The following CDK19 variants were observed in gnomAD, a reference collection of about 807,000 sequenced individuals.
CDK19 encodes cyclin-dependent kinase 19.
In CDK19, 20 loss-of-function variants were observed where a neutral mutation model predicts 68.3. That is an observed-to-expected ratio of 0.29 (90% CI 0.21 to 0.43). The LOEUF (loss-of-function observed/expected upper bound fraction) is 0.43, where lower values mean the gene tolerates loss of function less well. Ranked by LOEUF, CDK19 falls within the 20% of genes least tolerant of loss-of-function variation. CDK19 has a pLI of 1.00. For missense variants in CDK19, 339 were observed against 623.5 expected, an observed-to-expected ratio of 0.54 and a Z score of 4.86; for synonymous variants, 221 against 222.8, an observed-to-expected ratio of 0.99 and a Z score of 0.07.
chr6:110,795,522 C>A (rs1430328378), intron 1 of CDK19, among the ~76,000 whole-genome samples: 1 of 152,144 alleles, frequency 6.6e-6, no homozygotes, highest in Non-Finnish European at 1.5e-5. Context: ...ACATTCACAG[C>A]CACTGAGGTT....
intron 1 of CDK19, among the ~76,000 whole-genome samples, chr6:110,804,736 ACGAGGTCAGGAGAACGAGAC>A (rs1782561601): frequency 6.7e-6 from 1 of 149,300 alleles, no homozygotes; most frequent in Non-Finnish European, 1.5e-5. Flanking sequence ...CGGGCGGATC[ACGAGGTCAGGAGAACGAGAC>A]CATCCTGGCT....
intron 1 of CDK19, 35 bp downstream of exon 1, chr6:110,814,974 C>T: frequency 6.3e-7 from 1 of 1,597,740 alleles, no homozygotes. Flanking sequence ...GGGCGAGGAC[C>T]CGAGCGAGCC....
At position 110,807,785 on chromosome 6, in the gene CDK19, T is replaced by C. The variant is rs145808991; in HGVS notation, c.128+7224A>G. Among the ~76,000 whole-genome samples the C allele has an allele frequency of 5.3e-5, 8 of 152,034 alleles. No individual in the cohort carries two copies. The East Asian group carries it at 1.5e-3, about 29-fold the overall frequency. On this transcript the variant is annotated intron_variant, in intron 1 of 12. Coordinates refer to ENST00000368911, the MANE Select transcript of CDK19 (RefSeq NM_015076.5). ...CACATTGTATATTTTTACGCACATA[T>C]ACTATTTACAAACTTTTTTTTATAA...
intron 1 of CDK19, among the ~76,000 whole-genome samples, chr6:110,810,620 C>T (rs1041980903): frequency 6.6e-6 from 1 of 151,980 alleles, no homozygotes; most frequent in Non-Finnish European, 1.5e-5. Context: ...ATTAAAAATA[C>T]AAAATCAGCC....
intron 2 of CDK19, among the ~76,000 whole-genome samples, chr6:110,727,266 A>C (rs1332377456): frequency 2.0e-5 from 3 of 151,982 alleles, no homozygotes; most frequent in African/African-American, 7.3e-5. Flanking sequence ...CCTTTCACTA[A>C]CTACCTATTT....
intron 4 of CDK19, chr6:110,646,270 G>A: frequency 6.6e-7 from 1 of 1,505,466 alleles, no homozygotes. Flanking sequence ...AGTTGCGTGT[G>A]CTGCCCCGCC....
chr6:110,724,231 G>A (rs1210382428), intron 2 of CDK19, among the ~76,000 whole-genome samples: 2 of 152,194 alleles, frequency 1.3e-5, no homozygotes, highest in Admixed American at 1.3e-4. Context: ...GCGCATGCCT[G>A]TAATCCCAGC....
chr6:110,784,102 C>T lies in CDK19; in HGVS notation c.128+30907G>A, dbSNP rs1046253793. Among the ~76,000 whole-genome samples, 6 of 135,116 alleles carry T rather than the reference C, an allele frequency of 4.4e-5. No individual in the cohort carries two copies. The South Asian group carries it at 7.3e-4, about 16-fold the overall frequency. The allele number at this position is 135,116 out of a possible 152,430, so 88.6% of individuals were successfully genotyped here. A position where few individuals can be genotyped will look rare whatever the true frequency, so the allele number is the denominator to read the frequency against. ...TGAGCTGGGGAGGCAGAGGCTGCAG[C>T]GAACCAAGATCACACCACTGCATTC... On this transcript the variant is annotated intron_variant, in intron 1 of 12. Transcript: ENST00000368911.
intron 4 of CDK19, among the ~76,000 whole-genome samples, chr6:110,659,469 C>G (rs568929623): frequency 6.6e-6 from 1 of 152,210 alleles, no homozygotes; most frequent in Non-Finnish European, 1.5e-5. Flanking sequence ...TGTTACAATT[C>G]AGCAGAAATA....
At chr6:110,807,671 G>T (rs1782773881) in intron 1 of CDK19, among the ~76,000 whole-genome samples, 1 of 152,266 alleles carries the variant, frequency 6.6e-6, no homozygotes, top group African/African-American at 2.4e-5. Context: ...TGTTGGCAAG[G>T]CTGGCCTTGA....
chr6:110,789,729 T>G (rs1032643111), intron 1 of CDK19, among the ~76,000 whole-genome samples: 1 of 152,232 alleles, frequency 6.6e-6, no homozygotes, highest in Non-Finnish European at 1.5e-5. Flanking sequence ...CTTTTTATAA[T>G]AGATTTGTGT....
intron 8 of CDK19, among the ~76,000 whole-genome samples, chr6:110,626,042 G>A (rs558067247): frequency 6.6e-5 from 10 of 152,198 alleles, no homozygotes; most frequent in South Asian, 6.2e-4. Context: ...TCCAGGCCAC[G>A]TGTTCTTCCT....
chr6:110,727,290 T>TA (rs1776382470), intron 2 of CDK19, among the ~76,000 whole-genome samples: 1 of 152,044 alleles, frequency 6.6e-6, no homozygotes, highest in Admixed American at 6.6e-5. Flanking sequence ...CATTTACTGT[T>TA]AGAGTGCTTT....
Position 110,612,605 on chromosome 6 carries a change from C to T in CDK19, c.*1930G>A, listed in dbSNP as rs1778085135. On this transcript the variant is annotated 3_prime_UTR_variant, in exon 13 of 13. Transcript: ENST00000368911. ...GGGCACCAGGCACATGGTGAGGGTG[C>T]AATAAGCATCTGATGACCAACAGCT... is the stretch of plus-strand genomic sequence containing the variant. 1 of 152,202 alleles carries T rather than the reference C, an allele frequency of 6.6e-6. No homozygotes were observed. The highest frequency in any genetic ancestry group is 3.2e-3 in the Middle Eastern group (1 of 316). The allele number at this position is 152,202 out of a possible 1,614,324, so 9.4% of individuals were successfully genotyped here.
intron 1 of CDK19, among the ~76,000 whole-genome samples, chr6:110,773,051 T>TAA (rs202143768): frequency 3.3e-4 from 44 of 132,754 alleles, no homozygotes; most frequent in East Asian, 1.3e-3. Context: ...CCCCGTCTCT[T>TAA]AAAAAAAAAA....
intron 1 of CDK19, among the ~76,000 whole-genome samples, chr6:110,805,079 C>T (rs904550286): frequency 6.6e-6 from 1 of 152,134 alleles, no homozygotes; most frequent in Non-Finnish European, 1.5e-5. Flanking sequence ...CACTTGTATC[C>T]TGAATTACAT....
chr6:110,668,202 A>T (rs538295541), intron 3 of CDK19, among the ~76,000 whole-genome samples: 81 of 152,188 alleles, frequency 5.3e-4, no homozygotes, highest in Non-Finnish European at 8.2e-4. Flanking sequence ...AAAGGGAAAA[A>T]ATGCTACCTG....
chr6:110,744,697 C>T (rs1344653846), intron 2 of CDK19, among the ~76,000 whole-genome samples: 1 of 152,156 alleles, frequency 6.6e-6, no homozygotes, highest in East Asian at 1.9e-4. Context: ...AGGTCTGCCC[C>T]TCAAAGTACA....
At chr6:110,651,313 G>A (rs1340596246) in intron 4 of CDK19, among the ~76,000 whole-genome samples, 4 of 151,334 alleles carry the variant, frequency 2.6e-5, no homozygotes, top group East Asian at 3.9e-4. Flanking sequence ...TCTTCCTCCT[G>A]CCCAATTTCT....
Sources: gnomAD v4.1 joint callset for allele counts (sites outside exome capture counted in the v4.1 genomes callset) on GRCh38, gnomAD v4.1.1 for gene constraint, MANE v1.5 for transcripts, NCBI Gene and HGNC (gene_info 2026-07-23, HGNC 2026-07-21) for gene names.